ERBB4: variants seen among roughly 807,000 people sequenced by gnomAD.
ERBB4 encodes the protein receptor tyrosine-protein kinase erbB-4.
Under a neutral mutation model 158.0 loss-of-function variants are expected in ERBB4, and 42 were observed. The observed-to-expected ratio is 0.27, with a 90% CI of 0.21 to 0.34. The LOEUF (loss-of-function observed/expected upper bound fraction) is 0.34. Among genes scored for constraint, ERBB4 ranks in the 10% least tolerant of loss-of-function variants. The probability of loss-of-function intolerance (pLI) is 1.00; values close to 1 mark genes in which losing one functional copy is unlikely to be tolerated. For missense variants in ERBB4, 1,333 were observed against 1,624.1 expected (o/e 0.82, Z 3.08); for synonymous variants, 583 against 558.7 (o/e 1.04, Z -0.61).
intron 20 of ERBB4, among the ~76,000 whole-genome samples, chr2:211,530,209 A>T (rs1204001081): frequency 6.6e-6 from 1 of 152,144 alleles, no homozygotes; most frequent in African/African-American, 2.4e-5. Context: ...GCCATCAGCA[A>T]ACAATCTGAA....
intron 4 of ERBB4, among the ~76,000 whole-genome samples, chr2:211,773,535 A>T (rs1225105214): frequency 7.1e-6 from 1 of 141,538 alleles, no homozygotes; most frequent in African/African-American, 2.6e-5. Flanking sequence ...GGTCAGGTTA[A>T]GTACTTCCAA....
chr2:212,030,951 C>T (rs967198572), intron 2 of ERBB4, among the ~76,000 whole-genome samples: 1 of 152,032 alleles, frequency 6.6e-6, no homozygotes, highest in East Asian at 1.9e-4. Context: ...ATCTGCTAAT[C>T]CACCGACATT....
intron 2 of ERBB4, among the ~76,000 whole-genome samples, chr2:212,061,295 A>G (rs777929028): frequency 6.6e-6 from 1 of 151,662 alleles, no homozygotes; most frequent in Non-Finnish European, 1.5e-5. Flanking sequence ...TCTACTAAAA[A>G]TACAAAACTT....
chr2:212,089,434 T>C (rs1371602518), intron 2 of ERBB4, among the ~76,000 whole-genome samples: 1 of 152,180 alleles, frequency 6.6e-6, no homozygotes, highest in Non-Finnish European at 1.5e-5. Flanking sequence ...TGAAATCTCA[T>C]GTCAAATTGT....
intron 1 of ERBB4, among the ~76,000 whole-genome samples, chr2:212,493,772 T>C (rs1394762175): frequency 6.6e-6 from 1 of 151,798 alleles, no homozygotes; most frequent in Non-Finnish European, 1.5e-5. Context: ...TTATGTAATG[T>C]CTTCATTACA....
chr2:211,658,006 G>T, intron 15 of ERBB4, 178 bp from the exon 16 acceptor site: 6 of 1,587,566 alleles, frequency 3.8e-6, no homozygotes, highest in Non-Finnish European at 5.1e-6. Flanking sequence ...TGCAGAAAAT[G>T]CAAATTTAAA....
At chr2:211,460,227 T>G (rs1294732289) in intron 20 of ERBB4, among the ~76,000 whole-genome samples, 2 of 152,158 alleles carry the variant, frequency 1.3e-5, no homozygotes, top group Admixed American at 1.3e-4. Flanking sequence ...TCTTCGTCTG[T>G]ATGTCTTTTA....
intron 3 of ERBB4, among the ~76,000 whole-genome samples, chr2:211,869,883 T>C (rs1025414359): frequency 2.6e-5 from 4 of 152,140 alleles, no homozygotes; most frequent in Non-Finnish European, 5.9e-5. Context: ...ACCTATTTGA[T>C]TTTACTTTTA....
Position 211,380,940 on chromosome 2 carries a change from T to C in ERBB4, c.*2675A>G, listed in dbSNP as rs1303927711. 2 of 231,904 alleles carry C rather than the reference T, an allele frequency of 8.6e-6. No individual in the cohort carries two copies. The highest frequency in any genetic ancestry group is 5.6e-5 in the Admixed American group (1 of 17,710). 14.4% of individuals were successfully genotyped at this position (231,904 alleles called of 1,614,324 possible). ...CCCAGTAGAAACCATATGCATATTG[T>C]AAATCAGAAAAAAAAAATCAAGGTA... is the stretch of plus-strand genomic sequence containing the variant. On this transcript the variant is annotated 3_prime_UTR_variant, in exon 28 of 28. Coordinates refer to ENST00000342788, the MANE Select transcript of ERBB4 (RefSeq NM_005235.3).
At chr2:211,833,798 A>C (rs777738164) in intron 3 of ERBB4, among the ~76,000 whole-genome samples, 5 of 152,138 alleles carry the variant, frequency 3.3e-5, no homozygotes, top group Non-Finnish European at 5.9e-5. Context: ...AATGAATATC[A>C]GATTAGACTA....
At chr2:211,629,782 A>G (rs918358032) in intron 17 of ERBB4, among the ~76,000 whole-genome samples, 4 of 152,000 alleles carry the variant, frequency 2.6e-5, no homozygotes, top group African/African-American at 9.7e-5. Context: ...ACCTGACAAA[A>G]ACAAGAAATG....
intron 2 of ERBB4, among the ~76,000 whole-genome samples, chr2:212,035,042 A>G (rs531214668): frequency 3.9e-5 from 6 of 152,350 alleles, no homozygotes; most frequent in Admixed American, 3.9e-4. Context: ...TAGAGGCACC[A>G]TATACGATGA....
At chr2:211,789,295 A>T (rs1283606527) in intron 3 of ERBB4, among the ~76,000 whole-genome samples, 1 of 152,114 alleles carries the variant, frequency 6.6e-6, no homozygotes, top group Non-Finnish European at 1.5e-5. Flanking sequence ...CTTTTTTCAC[A>T]TAAGAAACCT....
At chr2:211,724,081 C>T (rs1266127442) in intron 6 of ERBB4, among the ~76,000 whole-genome samples, 4 of 152,286 alleles carry the variant, frequency 2.6e-5, no homozygotes, top group African/African-American at 9.6e-5. Context: ...TCAATGTCTT[C>T]AGAATCAAGC....
At chr2:212,083,625 A>G (rs1156984641) in intron 2 of ERBB4, among the ~76,000 whole-genome samples, 1 of 151,744 alleles carries the variant, frequency 6.6e-6, no homozygotes, top group Non-Finnish European at 1.5e-5. Context: ...GTTTGGATTT[A>G]TTACCACCCC....
intron 3 of ERBB4, among the ~76,000 whole-genome samples, chr2:211,831,859 C>T (rs1427419751): frequency 4.0e-5 from 6 of 151,810 alleles, no homozygotes; most frequent in African/African-American, 7.3e-5. Context: ...GCCGAGGTCG[C>T]GCCATTGCAC....
intron 1 of ERBB4, among the ~76,000 whole-genome samples, chr2:212,520,387 T>G (rs933155391): frequency 2.0e-5 from 3 of 151,934 alleles, no homozygotes; most frequent in Admixed American, 6.6e-5. Context: ...AAAAATTATT[T>G]TATTGGGTTA....
At chr2:212,208,300 C>T (rs2082826667) in intron 1 of ERBB4, among the ~76,000 whole-genome samples, 1 of 152,132 alleles carries the variant, frequency 6.6e-6, no homozygotes, top group African/African-American at 2.4e-5. Context: ...AGTCACTTTC[C>T]CAATGAAGCT....
Position 212,507,763 on chromosome 2 carries a change from C to G in ERBB4, c.82+30686G>C, listed in dbSNP as rs188250636. ...AGAAAGTTGTTTTTTGACATGGAAA[C>G]CATTCCTGGTGAATATACTATAAAC... On this transcript the variant is annotated intron_variant, in intron 1 of 27. Transcript: ENST00000342788. Among the ~76,000 whole-genome samples, 174 of 152,280 alleles carry G rather than the reference C, an allele frequency of 1.1e-3. 2 individuals are homozygous for G. The highest frequency in any genetic ancestry group is 3.9e-3 in the African/African-American group (160 of 41,552).
Sources: gnomAD v4.1 joint callset for allele counts (sites outside exome capture counted in the v4.1 genomes callset) on GRCh38, gnomAD v4.1.1 for gene constraint, MANE v1.5 for transcripts, NCBI Gene and HGNC (gene_info 2026-07-23, HGNC 2026-07-21) for gene names.